ETS1: variants seen among roughly 807,000 people sequenced by gnomAD.
The protein encoded by ETS1 is protein C-ets-1.
ETS1 carries 15 observed loss-of-function variants against 58.6 expected under a neutral mutation model. The ratio of observed to expected loss-of-function variants is 0.26; its 90% CI spans 0.17 to 0.39. The LOEUF is 0.39. ETS1 is among the 10% of genes least tolerant of loss of function. ETS1 has a pLI of 1.00. For missense variants in ETS1, 417 were observed against 610.5 expected, an observed-to-expected ratio of 0.68 and a Z score of 3.34; for synonymous variants, 214 against 218.2, an observed-to-expected ratio of 0.98 and a Z score of 0.17.
chr11:128,486,817 C>T (rs577725688), intron 5 of ETS1, among the ~76,000 whole-genome samples: 125 of 152,308 alleles, frequency 8.2e-4, no homozygotes, highest in Non-Finnish European at 1.4e-3. Flanking sequence ...AGTGCACCTG[C>T]GGACAGAAAG....
At chr11:128,521,095 C>G (rs1209607687) in intron 3 of ETS1, among the ~76,000 whole-genome samples, 1 of 151,652 alleles carries the variant, frequency 6.6e-6, no homozygotes, top group Non-Finnish European at 1.5e-5. Flanking sequence ...TAAGGCCAGA[C>G]TCTCTTAAGT....
chr11:128,509,550 ATTTTTT>A (rs59753000), intron 3 of ETS1, among the ~76,000 whole-genome samples: 5 of 95,098 alleles, frequency 5.3e-5, no homozygotes, highest in South Asian at 3.0e-4. Flanking sequence ...TCAGGTGAAA[ATTTTTT>A]TTTTTTTTTT....
In ETS1 at chr11:128,573,076, G is replaced by C. The variant is rs759946640; in HGVS notation, c.55C>G (p.Arg19Gly). 16 of 1,604,406 alleles carry C rather than the reference G, an allele frequency of 1.0e-5. No homozygotes were observed. The Middle Eastern group carries it at 4.9e-4, about 50-fold the overall frequency. ...CCACCACTCACCACCACTGCAGGACGAGGCGCTGAGTAAGGGACGGGGCTG... is the reference window on the plus strand; with the variant it reads ...CCACCACTCACCACCACTGCAGGACCAGGCGCTGAGTAAGGGACGGGGCTG... ...GSSPVPYSAP[R>G]PAVVRQGPSN... Residue 19 changes from arginine (R) to glycine (G), a missense_variant, in exon 2 of 10, where the codon CGT becomes GGT. Coordinates refer to ENST00000392668, the MANE Select transcript of ETS1 (RefSeq NM_001143820.2).
At chr11:128,552,304 G>A (rs1245813785) in intron 3 of ETS1, among the ~76,000 whole-genome samples, 1 of 152,190 alleles carries the variant, frequency 6.6e-6, no homozygotes, top group African/African-American at 2.4e-5. Context: ...GTGGCAGATA[G>A]GCTGTGAATG....
intron 5 of ETS1, among the ~76,000 whole-genome samples, chr11:128,488,024 A>G (rs900054076): frequency 4.6e-5 from 7 of 152,220 alleles, no homozygotes; most frequent in Non-Finnish European, 8.8e-5. Flanking sequence ...CCATTTTGAT[A>G]AATGGAGGAA....
At chr11:128,485,105 G>A in intron 6 of ETS1, 34 bp from the exon 7 acceptor site, 1 of 1,593,460 alleles carries the variant, frequency 6.3e-7, no homozygotes, top group Non-Finnish European at 8.6e-7. Flanking sequence ...AAAGAGAGGA[G>A]AGATTTGTAC....
chr11:128,471,500 C>T (rs1190325572), intron 8 of ETS1, among the ~76,000 whole-genome samples: 1 of 152,218 alleles, frequency 6.6e-6, no homozygotes, highest in Non-Finnish European at 1.5e-5. Flanking sequence ...CTTCTAAACC[C>T]ATCAGTAACT....
intron 7 of ETS1, 43 bp from the exon 8 acceptor site, chr11:128,480,494 G>A (rs772763552): frequency 5.5e-6 from 8 of 1,441,614 alleles, no homozygotes; most frequent in Middle Eastern, 1.9e-4. Flanking sequence ...GGGGGAGGAG[G>A]GAGTGGGAAA....
At chr11:128,510,971 T>C (rs1032776535) in intron 3 of ETS1, among the ~76,000 whole-genome samples, 1 of 152,248 alleles carries the variant, frequency 6.6e-6, no homozygotes, top group Non-Finnish European at 1.5e-5. Context: ...ATAACTCTGC[T>C]AAGCTCTGAG....
At chr11:128,585,240 AAG>A (rs1251850742) in intron 1 of ETS1, among the ~76,000 whole-genome samples, 1 of 149,336 alleles carries the variant, frequency 6.7e-6, no homozygotes, top group East Asian at 2.0e-4. Flanking sequence ...GAAAGAAAGA[AAG>A]AAAAAGAAAG....
chr11:128,558,091 C>A (rs543414691), intron 2 of ETS1, among the ~76,000 whole-genome samples: 1 of 152,294 alleles, frequency 6.6e-6, no homozygotes, highest in Non-Finnish European at 1.5e-5. Flanking sequence ...TTCATAAAAT[C>A]ATTCAAATTA....
chr11:128,487,654 G>A (rs982979622), intron 5 of ETS1, among the ~76,000 whole-genome samples: 2 of 152,074 alleles, frequency 1.3e-5, no homozygotes, highest in South Asian at 2.1e-4. Flanking sequence ...CAGGAGAATC[G>A]CTTGAACCTA....
intron 2 of ETS1, among the ~76,000 whole-genome samples, chr11:128,566,817 C>G (rs575390776): frequency 8.6e-5 from 13 of 151,752 alleles, no homozygotes; most frequent in African/African-American, 2.9e-4. Context: ...GAGTACCAGA[C>G]AGAATTTACT....
At chr11:128,522,149 G>T (rs1424386957) in intron 3 of ETS1, 6 of 1,315,086 alleles carry the variant, frequency 4.6e-6, no homozygotes, top group Non-Finnish European at 5.8e-6. Context: ...TTTCCCCCGC[G>T]CCCGGACGGT....
chr11:128,527,076 A>T (rs1265797000), intron 3 of ETS1: 1 of 421,852 alleles, frequency 2.4e-6, no homozygotes, highest in Non-Finnish European at 4.7e-6. Flanking sequence ...GACAGGATAC[A>T]ATGGACATGG....
At chr11:128,509,048 A>G (rs1863318143) in intron 3 of ETS1, among the ~76,000 whole-genome samples, 1 of 152,172 alleles carries the variant, frequency 6.6e-6, no homozygotes, top group Non-Finnish European at 1.5e-5. Context: ...TCTCATTAAA[A>G]AAACTAAATC....
intron 1 of ETS1, among the ~76,000 whole-genome samples, chr11:128,573,351 G>A (rs754848966): frequency 2.6e-5 from 4 of 152,214 alleles, no homozygotes; most frequent in Admixed American, 6.5e-5. Context: ...GACAGAACCA[G>A]TTCCCTGGTT....
chr11:128,516,814 A>G (rs1863538088), intron 3 of ETS1, among the ~76,000 whole-genome samples: 1 of 152,206 alleles, frequency 6.6e-6, no homozygotes, highest in African/African-American at 2.4e-5. Flanking sequence ...CAAGCAGGAT[A>G]ATTAAATTTT....
intron 3 of ETS1, among the ~76,000 whole-genome samples, chr11:128,524,989 A>G (rs919765425): frequency 2.6e-5 from 4 of 151,782 alleles, no homozygotes; most frequent in African/African-American, 9.7e-5. Context: ...CCACTTGGGC[A>G]AGATACTTCA....
Sources: allele counts gnomAD v4.1 joint callset (sites outside exome capture counted in the v4.1 genomes callset), GRCh38; gene constraint gnomAD v4.1.1; transcripts MANE v1.5; gene names NCBI Gene and HGNC (gene_info 2026-07-23, HGNC 2026-07-21).